The following CDH13 variants were observed in gnomAD, a reference collection of about 807,000 sequenced individuals.
The protein encoded by CDH13 is cadherin-13.
CDH13 carries 24 observed loss-of-function variants against 63.8 expected under a neutral mutation model. That is an observed-to-expected ratio of 0.38 (90% CI 0.27 to 0.53). The LOEUF (loss-of-function observed/expected upper bound fraction) is 0.53. CDH13 is among the 20% of genes least tolerant of loss of function. The pLI, the probability that CDH13 is intolerant of heterozygous loss-of-function variation, is 0.85. For missense variants in CDH13, 1,049 were observed against 903.1 expected, an observed-to-expected ratio of 1.16 and a Z score of -2.07; for synonymous variants, 503 against 355.3, an observed-to-expected ratio of 1.42 and a Z score of -4.67.
intron 4 of CDH13, among the ~76,000 whole-genome samples, chr16:83,174,618 C>A (rs935938133): frequency 6.6e-6 from 1 of 151,072 alleles, no homozygotes; most frequent in African/African-American, 2.4e-5. Flanking sequence ...CTTAAATTTA[C>A]CCTTAAGCTA....
At chr16:82,696,566 C>T (rs147607589) in intron 1 of CDH13, among the ~76,000 whole-genome samples, 1 of 152,120 alleles carries the variant, frequency 6.6e-6, no homozygotes, top group East Asian at 1.9e-4. Context: ...GTGATAGAAA[C>T]AAAATCAGAA....
At chr16:83,200,503 T>C (rs1158440103) in intron 4 of CDH13, among the ~76,000 whole-genome samples, 1 of 152,148 alleles carries the variant, frequency 6.6e-6, no homozygotes, top group African/African-American at 2.4e-5. Flanking sequence ...TTTTCCTCCT[T>C]AGTCCCCTGT....
At chr16:82,877,947 A>ACC (rs2040561169) in intron 2 of CDH13, among the ~76,000 whole-genome samples, 1 of 136,740 alleles carries the variant, frequency 7.3e-6, no homozygotes, top group Non-Finnish European at 1.6e-5. Flanking sequence ...ACACACACAC[A>ACC]CACACACACA....
At chr16:82,711,037 C>G (rs555763009) in intron 1 of CDH13, among the ~76,000 whole-genome samples, 3 of 151,666 alleles carry the variant, frequency 2.0e-5, no homozygotes, top group Admixed American at 2.0e-4. Context: ...GTTACAATAT[C>G]TAGTAGCTGA....
At position 83,473,128 on chromosome 16, in the gene CDH13, C is replaced by A. The variant is rs74915381; in HGVS notation, c.782-13349C>A. Among the ~76,000 whole-genome samples the A allele has an allele frequency of 9.1e-3, 1,385 of 152,280 alleles. 14 individuals carry two copies. The highest frequency in any genetic ancestry group is 0.032 in the African/African-American group (1,317 of 41,552). On this transcript the variant is annotated intron_variant, in intron 6 of 13. Transcript: ENST00000567109. ...AGTTTTGTGTGACCCTAATAGAGAT[C>A]CTTCATCAAGTTTTATTCTTCATAA...
chr16:83,644,936 G>T (rs1911650925), intron 8 of CDH13, among the ~76,000 whole-genome samples: 1 of 152,210 alleles, frequency 6.6e-6, no homozygotes, highest in Non-Finnish European at 1.5e-5. Context: ...TAATGATCAG[G>T]AGGGAGGTGC....
chr16:83,242,517 G>A (rs986816171), intron 5 of CDH13, among the ~76,000 whole-genome samples: 3 of 152,274 alleles, frequency 2.0e-5, no homozygotes, highest in Admixed American at 6.5e-5. Flanking sequence ...TGGAGAGGGT[G>A]GAATGGCTGT....
intron 5 of CDH13, among the ~76,000 whole-genome samples, chr16:83,323,064 C>G (rs1360606878): frequency 6.6e-6 from 1 of 151,886 alleles, no homozygotes; most frequent in East Asian, 1.9e-4. Context: ...TGCAAATGAG[C>G]GAATGGAGGT....
intron 6 of CDH13, among the ~76,000 whole-genome samples, chr16:83,427,825 T>C (rs2151479162): frequency 6.6e-6 from 1 of 152,326 alleles, no homozygotes; most frequent in South Asian, 2.1e-4. Flanking sequence ...CAATGTGAGC[T>C]TCTGTTCCCC....
At chr16:83,041,073 C>T (rs1470417687) in intron 3 of CDH13, among the ~76,000 whole-genome samples, 3 of 152,170 alleles carry the variant, frequency 2.0e-5, no homozygotes, top group South Asian at 2.1e-4. Context: ...ACTTAACAAA[C>T]TCCAAAAGAC....
chr16:82,931,041 T>C (rs142947291), intron 2 of CDH13, among the ~76,000 whole-genome samples: 2,077 of 152,358 alleles, frequency 0.014, 23 homozygotes, highest in Non-Finnish European at 0.022. Context: ...CTGCTGAAGC[T>C]AATTCCAAAC....
chr16:82,961,032 C>A (rs1274762316), intron 2 of CDH13, among the ~76,000 whole-genome samples: 3 of 152,174 alleles, frequency 2.0e-5, no homozygotes, highest in African/African-American at 7.2e-5. Flanking sequence ...CAGTTGAGGG[C>A]CAAAGCAGAT....
intron 7 of CDH13, among the ~76,000 whole-genome samples, chr16:83,496,729 A>G (rs879778421): frequency 6.6e-5 from 10 of 152,232 alleles, no homozygotes; most frequent in Admixed American, 6.5e-4. Flanking sequence ...CAGGCGACCT[A>G]CAAAATGGGG....
chr16:83,339,734 A>G (rs1597787202), intron 5 of CDH13, among the ~76,000 whole-genome samples: 1 of 151,238 alleles, frequency 6.6e-6, no homozygotes, highest in African/African-American at 2.4e-5. Flanking sequence ...TCTCCCCTCC[A>G]CCTCTCCCAC....
At chr16:83,358,849 A>G (rs2091105351) in intron 6 of CDH13, among the ~76,000 whole-genome samples, 1 of 151,842 alleles carries the variant, frequency 6.6e-6, no homozygotes, top group Non-Finnish European at 1.5e-5. Context: ...TTATTAGGTT[A>G]AAAAAAACCC....
At chr16:83,692,145 C>G (rs1598488968) in intron 10 of CDH13, among the ~76,000 whole-genome samples, 1 of 152,188 alleles carries the variant, frequency 6.6e-6, no homozygotes, top group East Asian at 1.9e-4. Flanking sequence ...ATTACCAGAC[C>G]CAATAGCTTG....
chr16:82,950,381 ATC>A, intron 2 of CDH13, among the ~76,000 whole-genome samples: 1 of 152,050 alleles, frequency 6.6e-6, no homozygotes, highest in Non-Finnish European at 1.5e-5. Flanking sequence ...CCCAAATCTC[ATC>A]TTGAATTGTA....
chr16:83,453,693 T>C lies in CDH13; in HGVS notation c.782-32784T>C, dbSNP rs530360278. ...AAGGGCATTGTGAATTGGCTGTATG[T>C]GGGCAATGTTCTCTGCCGTACTCCC... is the stretch of plus-strand genomic sequence containing the variant. On this transcript the variant is annotated intron_variant, in intron 6 of 13. Transcript: ENST00000567109. 6.9e-4 allele frequency among the ~76,000 whole-genome samples: 105 copies of C among 152,242 alleles called. 2 individuals are homozygous for C. In the South Asian group the frequency reaches 0.02, roughly 29 times the overall value.
At chr16:83,039,107 G>A (rs896861143) in intron 3 of CDH13, among the ~76,000 whole-genome samples, 2 of 152,182 alleles carry the variant, frequency 1.3e-5, no homozygotes, top group Non-Finnish European at 2.9e-5. Flanking sequence ...AGTCTCCCAT[G>A]GCCCAGGTTC....
Sources: gnomAD v4.1 joint callset for allele counts (sites outside exome capture counted in the v4.1 genomes callset) on GRCh38, gnomAD v4.1.1 for gene constraint, MANE v1.5 for transcripts, NCBI Gene and HGNC (gene_info 2026-07-23, HGNC 2026-07-21) for gene names.